PDE1C: variants seen among roughly 807,000 people sequenced by gnomAD.
The protein encoded by PDE1C is dual specificity calcium/calmodulin-dependent 3',5'-cyclic nucleotide phosphodiesterase 1C.
Under a neutral mutation model 93.1 loss-of-function variants are expected in PDE1C, and 62 were observed. The ratio of observed to expected loss-of-function variants is 0.67; its 90% CI spans 0.54 to 0.82. The LOEUF is 0.82. Among genes scored for constraint, PDE1C ranks in the 40% least tolerant of loss-of-function variants. The pLI, the probability that PDE1C is intolerant of heterozygous loss-of-function variation, is 0.00. For missense variants in PDE1C, 742 were observed against 884.6 expected (o/e 0.84, Z 2.04); for synonymous variants, 325 against 310.1 (o/e 1.05, Z -0.50).
At position 32,219,850 on chromosome 7, in the gene PDE1C, G is replaced by A. The variant is rs181483391; in HGVS notation, c.86-10311C>T. Among the ~76,000 whole-genome samples, 1,037 of 152,312 alleles carry A rather than the reference G, an allele frequency of 6.8e-3. 8 individuals are homozygous for A. The highest frequency in any genetic ancestry group is 0.011 in the Non-Finnish European group (736 of 68,022). Reference sequence around the variant, plus strand: ...TGTGTCCCTACCCAAATCTCATCTTGAGTTGCAGCTTCCATAATTCCTATG... The same window carrying A: ...TGTGTCCCTACCCAAATCTCATCTTAAGTTGCAGCTTCCATAATTCCTATG... On this transcript the variant is annotated intron_variant, in intron 1 of 18. Coordinates refer to the PDE1C transcript ENST00000396193.
At chr7:31,698,690 A>G in the PDE1C span, among the ~76,000 whole-genome samples, 1 of 152,376 alleles carries the variant, frequency 6.6e-6, no homozygotes, top group South Asian at 2.1e-4. Context: ...AAAGTCAATA[A>G]CCATATAGAT....
intron 3 of PDE1C, among the ~76,000 whole-genome samples, chr7:32,149,693 T>C (rs1563355202): frequency 6.6e-6 from 1 of 152,224 alleles, no homozygotes; most frequent in Non-Finnish European, 1.5e-5. Flanking sequence ...CGTGATACTA[T>C]GTGATCAAAG....
At chr7:32,427,060 C>T (rs997147080) in intron 1 of PDE1C, among the ~76,000 whole-genome samples, 1 of 152,088 alleles carries the variant, frequency 6.6e-6, no homozygotes, top group African/African-American at 2.4e-5. Context: ...TCTGCCCCGA[C>T]GAAATGGAAT....
intron 2 of PDE1C, among the ~76,000 whole-genome samples, chr7:31,934,414 T>C (rs1035147586): frequency 6.6e-6 from 1 of 152,208 alleles, no homozygotes; most frequent in African/African-American, 2.4e-5. Context: ...ACGATATTAA[T>C]GTAATCCTTG....
At chr7:31,911,821 T>C (rs1047291945) in intron 2 of PDE1C, among the ~76,000 whole-genome samples, 2 of 152,204 alleles carry the variant, frequency 1.3e-5, no homozygotes, top group Non-Finnish European at 2.9e-5. Context: ...AAATACCCTA[T>C]TGCCTGTATC....
At chr7:31,928,727 G>C (rs892928950) in intron 2 of PDE1C, among the ~76,000 whole-genome samples, 15 of 152,120 alleles carry the variant, frequency 9.9e-5, no homozygotes, top group Non-Finnish European at 1.8e-4. Context: ...TTACAGACAA[G>C]CAAATGCTAA....
At chr7:32,397,180 C>T (rs775088202) in intron 1 of PDE1C, among the ~76,000 whole-genome samples, 31 of 151,130 alleles carry the variant, frequency 2.1e-4, no homozygotes, top group Non-Finnish European at 3.5e-4. Context: ...TAACCAAAGC[C>T]GAAAAAGAAA....
At chr7:31,720,320 G>A in the PDE1C span, among the ~76,000 whole-genome samples, 1 of 152,126 alleles carries the variant, frequency 6.6e-6, no homozygotes, top group South Asian at 2.1e-4. Flanking sequence ...TGGCCTTTAA[G>A]GAAAGCCCTA....
Position 32,377,800 on chromosome 7 carries a change from G to A in PDE1C, c.310+50022C>T, listed in dbSNP as rs141429933. 6.8e-3 allele frequency among the ~76,000 whole-genome samples: 1,030 copies of A among 152,232 alleles called. 19 individuals carry two copies. The highest frequency in any genetic ancestry group is 0.024 in the African/African-American group (977 of 41,528). ...AGGTCGGTCTAGTTACAAAATTCAT[G>A]CCCTCCGCCACTATACTCTATTGCC... On this transcript the variant is annotated intron_variant, in intron 1 of 1. Coordinates refer to the PDE1C transcript ENST00000672256.
chr7:31,819,804 T>A lies in PDE1C; in HGVS notation c.1582+3269A>T, dbSNP rs1472898431. Among the ~76,000 whole-genome samples, 6 of 152,232 alleles carry A rather than the reference T, an allele frequency of 3.9e-5. No individual in the cohort carries two copies. In the East Asian group the frequency reaches 1.2e-3, roughly 30 times the overall value. ...GTATTGGGCTAATTATCCCTTGATA[T>A]AATTTTCTGAAATGCCTACTTAAAC... On this transcript the variant is annotated intron_variant, in intron 14 of 17. Transcript: ENST00000396191.
At chr7:31,785,573 G>T (rs906321165) in intron 16 of PDE1C, 2 of 152,042 alleles carry the variant, frequency 1.3e-5, no homozygotes, top group African/African-American at 4.8e-5. Context: ...CTGCACAATC[G>T]TTCCTTGTTT....
intron 3 of PDE1C, among the ~76,000 whole-genome samples, chr7:32,104,756 C>A (rs6961516): frequency 6.6e-6 from 1 of 151,914 alleles, no homozygotes; most frequent in Non-Finnish European, 1.5e-5. Flanking sequence ...CGGTGCTACA[C>A]GCATGTATTA....
chr7:31,837,044 A>G, intron 11 of PDE1C, 136 bp downstream of exon 11: 2 of 732,238 alleles, frequency 2.7e-6, no homozygotes, highest in Non-Finnish European at 2.1e-6. Context: ...CCAAGAGGCA[A>G]AATAATCTGT....
At chr7:32,220,911 C>T (rs1806809261) in intron 1 of PDE1C, among the ~76,000 whole-genome samples, 1 of 152,188 alleles carries the variant, frequency 6.6e-6, no homozygotes, top group African/African-American at 2.4e-5. Context: ...GCCTCCAGCT[C>T]ATGCCTGAAC....
At chr7:31,928,714 C>T (rs1054701401) in intron 2 of PDE1C, among the ~76,000 whole-genome samples, 1 of 152,072 alleles carries the variant, frequency 6.6e-6, no homozygotes, top group African/African-American at 2.4e-5. Flanking sequence ...GAAATAAAAT[C>T]CTTTACAGAC....
At chr7:31,825,615 G>A (rs911391353) in intron 12 of PDE1C, among the ~76,000 whole-genome samples, 6 of 152,110 alleles carry the variant, frequency 3.9e-5, no homozygotes, top group African/African-American at 1.2e-4. Flanking sequence ...AGTTAATCTG[G>A]CAAGATAGAT....
At chr7:31,719,989 C>T in the PDE1C span, among the ~76,000 whole-genome samples, 1 of 151,438 alleles carries the variant, frequency 6.6e-6, no homozygotes, top group Non-Finnish European at 1.5e-5. Flanking sequence ...GGTGAAACCC[C>T]GTCTCTACTA....
intron 16 of PDE1C, among the ~76,000 whole-genome samples, chr7:31,791,483 C>T (rs567396974): frequency 2.0e-5 from 3 of 152,230 alleles, no homozygotes; most frequent in African/African-American, 7.2e-5. Context: ...GTTTGGTCCA[C>T]ATGGAATTGC....
At chr7:32,103,543 T>C (rs1368811613) in intron 3 of PDE1C, among the ~76,000 whole-genome samples, 3 of 152,138 alleles carry the variant, frequency 2.0e-5, no homozygotes, top group Admixed American at 1.3e-4. Flanking sequence ...CAATGTACCA[T>C]TCATGATTCT....
Sources: gnomAD v4.1 joint callset for allele counts (sites outside exome capture counted in the v4.1 genomes callset) on GRCh38, gnomAD v4.1.1 for gene constraint, MANE v1.5 for transcripts, NCBI Gene and HGNC (gene_info 2026-07-23, HGNC 2026-07-21) for gene names.